MEGF11: variants seen among roughly 807,000 people sequenced by gnomAD.
The protein encoded by MEGF11 is multiple epidermal growth factor-like domains protein 11.
A neutral mutation model predicts 146.6 loss-of-function variants in MEGF11; 126 were observed. The ratio of observed to expected loss-of-function variants is 0.86; its 90% CI spans 0.74 to 1.00. The LOEUF is 1.00. Ranked by LOEUF, MEGF11 falls within the 50% of genes least tolerant of loss-of-function variation. The pLI, the probability that MEGF11 is intolerant of heterozygous loss-of-function variation, is 0.00. For missense variants in MEGF11, 1,509 were observed against 1,521.2 expected (o/e 0.99, Z 0.13); for synonymous variants, 532 against 583.4 (o/e 0.91, Z 1.27).
intron 1 of MEGF11, among the ~76,000 whole-genome samples, chr15:66,245,570 G>A (rs1338691745): frequency 6.6e-6 from 1 of 151,902 alleles, no homozygotes; most frequent in Non-Finnish European, 1.5e-5. Context: ...TGTTCAAGAT[G>A]GAAGTGAGCT....
At chr15:65,991,103 G>A (rs148504019) in intron 5 of MEGF11, among the ~76,000 whole-genome samples, 23 of 152,170 alleles carry the variant, frequency 1.5e-4, no homozygotes, top group African/African-American at 2.4e-4. Context: ...CTTGTTACTC[G>A]GTGTTACTTA....
At chr15:65,916,455 G>C (rs1297056015) in intron 17 of MEGF11, 179 bp from the exon 18 acceptor site, 1 of 823,340 alleles carries the variant, frequency 1.2e-6, no homozygotes, top group Non-Finnish European at 1.9e-6. Flanking sequence ...TAGGGGCAAG[G>C]TGATCGTTGC....
intron 5 of MEGF11, among the ~76,000 whole-genome samples, chr15:66,060,845 G>A (rs1406041662): frequency 6.6e-6 from 1 of 152,274 alleles, no homozygotes; most frequent in Non-Finnish European, 1.5e-5. Context: ...GACAACAGAT[G>A]TGAGGATATG....
intron 1 of MEGF11, among the ~76,000 whole-genome samples, chr15:66,181,706 C>T (rs4776758): frequency 0.2 from 29,986 of 152,104 alleles, 3,628 homozygotes; most frequent in South Asian, 0.34. Flanking sequence ...ACAGACCACC[C>T]TTGGGAACCA....
At chr15:66,168,165 C>T (rs1010995160) in intron 1 of MEGF11, among the ~76,000 whole-genome samples, 6 of 152,028 alleles carry the variant, frequency 3.9e-5, no homozygotes, top group Admixed American at 6.6e-5. Flanking sequence ...CTCGTCTTCT[C>T]CTTGCTCACC....
chr15:65,912,399 G>A, intron 20 of MEGF11, 199 bp from the exon 21 acceptor site: 2 of 369,700 alleles, frequency 5.4e-6, no homozygotes, highest in Non-Finnish European at 9.6e-6. Context: ...CCTTACGCTG[G>A]TCCTCCCTGC....
At chr15:65,975,953 G>A (rs2081430607) in intron 7 of MEGF11, among the ~76,000 whole-genome samples, 1 of 151,976 alleles carries the variant, frequency 6.6e-6, no homozygotes, top group African/African-American at 2.4e-5. Flanking sequence ...GGGGGAGAGA[G>A]CAGCCAGAGA....
chr15:66,048,909 G>A (rs767765728), intron 5 of MEGF11, among the ~76,000 whole-genome samples: 44 of 152,294 alleles, frequency 2.9e-4, no homozygotes, highest in Middle Eastern at 3.4e-3. Flanking sequence ...GGAAGGGCAC[G>A]CTTTCTACAT....
At chr15:66,086,896 A>G (rs778543488) in intron 5 of MEGF11, among the ~76,000 whole-genome samples, 2 of 152,230 alleles carry the variant, frequency 1.3e-5, no homozygotes, top group Non-Finnish European at 2.9e-5. Context: ...TGCAGAATGG[A>G]TAAGAACTCA....
intron 5 of MEGF11, among the ~76,000 whole-genome samples, chr15:66,056,653 T>C (rs1447461764): frequency 1.3e-5 from 2 of 152,046 alleles, no homozygotes; most frequent in Non-Finnish European, 2.9e-5. Flanking sequence ...ACCAATAACA[T>C]AGAAAGGTAA....
At chr15:66,015,736 T>C (rs2140137837) in intron 5 of MEGF11, among the ~76,000 whole-genome samples, 1 of 152,316 alleles carries the variant, frequency 6.6e-6, no homozygotes, top group Non-Finnish European at 1.5e-5. Context: ...GATTAATTTA[T>C]TCATCCAATA....
chr15:65,939,627 T>G (rs1289727093), intron 10 of MEGF11, among the ~76,000 whole-genome samples: 1 of 152,054 alleles, frequency 6.6e-6, no homozygotes, highest in Non-Finnish European at 1.5e-5. Flanking sequence ...CCTGAGTAGC[T>G]GGCATTACAG....
At position 66,094,459 on chromosome 15, in the gene MEGF11, C is replaced by G. The variant is rs753304245; in HGVS notation, c.337G>C (p.Val113Leu). 6.4e-7 allele frequency: 1 copy of G among 1,560,158 alleles called. No individual in the cohort carries two copies. Among genetic ancestry groups the G allele is most frequent in the Non-Finnish European group, 8.7e-7 (1 of 1,151,976 alleles). ...CTEECVHGRC[V>L]SPDTCHCEPG... ...TCGCAGTGGCAGGTGTCCGGGGAAA[C>G]GCAGCGGCCGTGCACACACTCCTCC... Residue 113 changes from valine (V) to leucine (L), a missense_variant, in exon 5 of 26, where the codon GTT becomes CTT. By Grantham distance (32) the Val-to-Leu change is conservative. Coordinates refer to ENST00000395614, the MANE Select transcript of MEGF11 (RefSeq NM_001385028.1).
At chr15:66,012,122 G>A (rs370079323) in intron 5 of MEGF11, among the ~76,000 whole-genome samples, 1 of 151,910 alleles carries the variant, frequency 6.6e-6, no homozygotes, top group South Asian at 2.1e-4. Flanking sequence ...CAGCTACTTG[G>A]GAGGCTAAGG....
intron 1 of MEGF11, among the ~76,000 whole-genome samples, chr15:66,212,731 G>A (rs1028173525): frequency 3.9e-5 from 6 of 152,152 alleles, no homozygotes; most frequent in Admixed American, 3.9e-4. Flanking sequence ...AGGCTTGCTG[G>A]CAGATGTCCT....
chr15:66,083,171 T>C (rs555091932), intron 5 of MEGF11, among the ~76,000 whole-genome samples: 7 of 152,298 alleles, frequency 4.6e-5, no homozygotes, highest in African/African-American at 1.4e-4. Context: ...CCTGTAGTCA[T>C]AGGTTTTGGG....
At chr15:66,102,783 C>T (rs1037925631) in intron 4 of MEGF11, among the ~76,000 whole-genome samples, 3 of 152,168 alleles carry the variant, frequency 2.0e-5, no homozygotes, top group African/African-American at 7.2e-5. Flanking sequence ...GTCTTGTCCA[C>T]CTCCCAACTC....
intron 5 of MEGF11, among the ~76,000 whole-genome samples, chr15:65,996,926 C>G (rs1035550258): frequency 4.5e-4 from 69 of 152,260 alleles, no homozygotes; most frequent in African/African-American, 1.6e-3. Context: ...GTTGAGACCC[C>G]AGGTCCACCC....
chr15:66,181,717 C>T (rs79307144), intron 1 of MEGF11, among the ~76,000 whole-genome samples: 2 of 152,200 alleles, frequency 1.3e-5, no homozygotes, highest in Non-Finnish European at 2.9e-5. Context: ...TTGGGAACCA[C>T]AGGCATAGAC....
Sources: gnomAD v4.1 joint callset for allele counts (sites outside exome capture counted in the v4.1 genomes callset) on GRCh38, gnomAD v4.1.1 for gene constraint, MANE v1.5 for transcripts, NCBI Gene and HGNC (gene_info 2026-07-23, HGNC 2026-07-21) for gene names.